The following JUP variants were observed in gnomAD, a reference collection of about 807,000 sequenced individuals.
The protein encoded by JUP is catenin (cadherin-associated protein), gamma 80kDa.
JUP carries 28 observed loss-of-function variants against 71.1 expected under a neutral mutation model. That is an observed-to-expected ratio of 0.39 (90% CI 0.29 to 0.54). JUP has a LOEUF of 0.54. Ranked by LOEUF, JUP falls within the 20% of genes least tolerant of loss-of-function variation. The pLI, the probability that JUP is intolerant of heterozygous loss-of-function variation, is 0.62. For missense variants in JUP, 869 were observed against 1,030.1 expected, an observed-to-expected ratio of 0.84 and a Z score of 2.14; for synonymous variants, 401 against 438.9, an observed-to-expected ratio of 0.91 and a Z score of 1.08.
rs545000698 is a variant in JUP, at chr17:41,757,555, A to C, written c.1925-19T>G. The C allele has an allele frequency of 1.5e-4, 243 of 1,614,182 alleles. 3 individuals carry two copies. In the South Asian group the frequency reaches 2.4e-3, roughly 16 times the overall value. ...TAGGTGGCTGAGCAGAGAGGAAAGG[A>C]AAAGCCAGGTTAAACGTCGGCCAGC... On this transcript the variant is annotated intron_variant, in intron 11 of 13. Coordinates refer to ENST00000393931, the MANE Select transcript of JUP (RefSeq NM_002230.4).
chr17:41,757,635 A>T lies in JUP; in HGVS notation c.1923T>A (p.Thr641=). The T allele has an allele frequency of 6.2e-7, 1 of 1,613,830 alleles. No individual in the cohort carries two copies. Among genetic ancestry groups the T allele is most frequent in the Non-Finnish European group, 8.5e-7 (1 of 1,179,884 alleles). Residue 641 remains threonine, a splice_region_variant and synonymous_variant, in exon 11 of 14, where the codon ACT becomes ACA. Transcript: ENST00000393931. ...MELLHSRNEG[T]ATYAAAVLFR... ...GCCTCCTGCCCTCCCCCAGCTCACC[A>T]GTGCCCTCGTTGCGGGAGTGCAGCA... is the stretch of plus-strand genomic sequence containing the variant.
intron 1 of JUP, among the ~76,000 whole-genome samples, chr17:41,772,589 T>C (rs926437270): frequency 6.6e-6 from 1 of 152,038 alleles, no homozygotes; most frequent in Admixed American, 6.5e-5. Flanking sequence ...AGTGTCCTCA[T>C]CTGTAAAGCG....
At chr17:41,774,903 C>T (rs1351252165) in intron 1 of JUP, among the ~76,000 whole-genome samples, 6 of 151,896 alleles carry the variant, frequency 4.0e-5, no homozygotes, top group Admixed American at 1.3e-4. Context: ...GAGTTCAAGA[C>T]CATCCTGGTC....
In JUP at chr17:41,757,450, A is replaced by G; in HGVS notation, c.2011T>C (p.Ser671Pro). The part of the protein sequence containing the change: ...RKRVSVELTN[S>P]LFKHDPAAWE... ...GCAGCCGGGTCATGCTTGAAGAGGG[A>G]GTTGGTGAGCTCCACGGACACGCGC... The change falls in exon 12 of 14, where the codon TCC (serine) becomes CCC (proline). Residue 671 changes from serine (S) to proline (P), a missense_variant. Transcript: ENST00000393931. 6.2e-7 allele frequency: 1 copy of G among 1,614,138 alleles called. No homozygotes were observed. The highest frequency in any genetic ancestry group is 2.2e-5 in the East Asian group (1 of 44,884).
chr17:41,782,181 A>T (rs2047200744), intron 1 of JUP, among the ~76,000 whole-genome samples: 1 of 152,194 alleles, frequency 6.6e-6, no homozygotes, highest in South Asian at 2.1e-4. Flanking sequence ...CACCAGAACC[A>T]GGCAGGTCTG....
intron 2 of JUP, among the ~76,000 whole-genome samples, chr17:41,770,661 G>T (rs548327572): frequency 6.6e-6 from 1 of 152,320 alleles, no homozygotes; most frequent in Admixed American, 6.5e-5. Flanking sequence ...CATGTTCAGG[G>T]CCCTGGAGGC....
intron 1 of JUP, chr17:41,775,888 C>A (rs188100028): frequency 1.2e-6 from 1 of 808,610 alleles, no homozygotes; most frequent in South Asian, 5.6e-5. Context: ...GCGCAGCCAA[C>A]CCAGAGGGCT....
At chr17:41,765,637 A>C (rs1555603773) in intron 5 of JUP, among the ~76,000 whole-genome samples, 2 of 151,822 alleles carry the variant, frequency 1.3e-5, no homozygotes, top group East Asian at 3.9e-4. Flanking sequence ...ACAGGCGTGA[A>C]CCACCACACC....
chr17:41,756,443 A>G (rs529611450), intron 12 of JUP, among the ~76,000 whole-genome samples: 1 of 151,928 alleles, frequency 6.6e-6, no homozygotes, highest in Non-Finnish European at 1.5e-5. Flanking sequence ...CTAAAAATAC[A>G]AAAAAAATTA....
At chr17:41,780,223 C>G (rs2143861909) in intron 1 of JUP, among the ~76,000 whole-genome samples, 1 of 151,734 alleles carries the variant, frequency 6.6e-6, no homozygotes, top group Non-Finnish European at 1.5e-5. Flanking sequence ...ATAGCAAGAC[C>G]CTGTCTCTAC....
intron 2 of JUP, among the ~76,000 whole-genome samples, chr17:41,771,193 G>A (rs570884854): frequency 5.2e-4 from 79 of 152,156 alleles, no homozygotes; most frequent in Admixed American, 2.5e-3. Flanking sequence ...CACCACACCC[G>A]GCTAATTTTT....
In JUP at chr17:41,757,780, A is replaced by T. The variant is rs1914098878; in HGVS notation, c.1778T>A (p.Leu593Gln). Residue 593 changes from leucine to glutamine, a missense_variant, in exon 11 of 14, where the codon CTG (leucine) becomes CAG (glutamine). Transcript: ENST00000393931. ...LNTIPLFVQL[L>Q]YSSVENIQRV... is the part of the protein sequence containing the mutation. ...CTGGATGTTCTCCACCGACGAGTAC[A>T]GGAGCTGGGGAGAGGGGACGTGGGA... The T allele has an allele frequency of 1.9e-6, 3 of 1,608,412 alleles. No homozygotes were observed. The African/African-American group carries it at 4.0e-5, about 21-fold the overall frequency.
intron 1 of JUP, among the ~76,000 whole-genome samples, chr17:41,773,681 A>G (rs540849078): frequency 1.4e-4 from 20 of 146,902 alleles, no homozygotes; most frequent in African/African-American, 4.4e-4. Context: ...AACAGGGGCA[A>G]TGGTGGGGGG....
chr17:41,756,074 C>T, intron 13 of JUP, 101 bp downstream of exon 13: 1 of 1,366,480 alleles, frequency 7.3e-7, no homozygotes, highest in South Asian at 1.2e-5. Flanking sequence ...CAGCAGTTGC[C>T]ACTGGTCCTC....
chr17:41,762,008 G>T (rs1384858139), intron 8 of JUP, among the ~76,000 whole-genome samples: 2 of 151,726 alleles, frequency 1.3e-5, no homozygotes, highest in Admixed American at 6.6e-5. Context: ...AGCAGAGGTT[G>T]CAGTGAGCCA....
In JUP at chr17:41,755,649, G is replaced by A; in HGVS notation, c.*95C>T. On this transcript the variant is annotated 3_prime_UTR_variant, in exon 14 of 14. Coordinates refer to ENST00000393931, the MANE Select transcript of JUP (RefSeq NM_002230.4). ...AGGATCCCCCCAAAAAAGGAGCGCA[G>A]GTTTCAGCGGGGAGATGGGAGGGCC... 1.6e-6 allele frequency: 2 copies of A among 1,251,732 alleles called. No homozygotes were observed. Among genetic ancestry groups the A allele is most frequent in the Non-Finnish European group, 2.2e-6 (2 of 920,730 alleles). 77.5% of individuals were successfully genotyped at this position (1,251,732 alleles called of 1,614,324 possible).
Position 41,757,421 on chromosome 17 carries a change from CCA to C in JUP, c.2038_2039del (p.Trp680GlyfsTer11), listed in dbSNP as rs113994177. 1 of 1,614,238 alleles carries C rather than the reference CCA, an allele frequency of 6.2e-7. No homozygotes were observed. Among genetic ancestry groups the C allele is most frequent in the Non-Finnish European group, 8.5e-7 (1 of 1,180,038 alleles). On this transcript the variant is annotated frameshift_variant, in exon 12 of 14. Coordinates refer to ENST00000393931, the MANE Select transcript of JUP (RefSeq NM_002230.4). LOFTEE classifies it high-confidence loss of function. ...NSLFKHDPAA[W>X]EAAQSMIPIN... ...TCCAACCTAGGATACTCACAGCCTC[CCA>C]GGCAGCCGGGTCATGCTTGAAGAGG...
At chr17:41,758,670 C>T (rs1475309410) in intron 9 of JUP, 45 bp downstream of exon 9, 2 of 1,592,872 alleles carry the variant, frequency 1.3e-6, no homozygotes, top group Non-Finnish European at 8.5e-7. Flanking sequence ...AGAGGACACC[C>T]TGACCCCCCA....
intron 1 of JUP, among the ~76,000 whole-genome samples, chr17:41,773,928 G>A (rs1289352340): frequency 6.6e-6 from 1 of 152,188 alleles, no homozygotes; most frequent in Admixed American, 6.5e-5. Context: ...AAGGCTGAAC[G>A]ACATCTGGAC....
Sources: allele counts gnomAD v4.1 joint callset (sites outside exome capture counted in the v4.1 genomes callset), GRCh38; gene constraint gnomAD v4.1.1; transcripts MANE v1.5; gene names NCBI Gene and HGNC (gene_info 2026-07-23, HGNC 2026-07-21).